The following CEP131 variants were observed in gnomAD, a reference collection of about 807,000 sequenced individuals.
CEP131 encodes centrosomal protein 131.
A neutral mutation model predicts 136.8 loss-of-function variants in CEP131; 99 were observed. The ratio of observed to expected loss-of-function variants is 0.72; its 90% CI spans 0.62 to 0.86. The LOEUF (loss-of-function observed/expected upper bound fraction) is 0.86. CEP131 is among the 40% of genes least tolerant of loss of function. CEP131 has a pLI of 0.00. For synonymous variants in CEP131, 646 were observed against 612.7 expected (o/e 1.05, Z -0.80); for missense variants, 1,459 against 1,463.0 (o/e 1.00, Z 0.04).
chr17:81,198,759 T>G, intron 11 of CEP131, 118 bp downstream of exon 11: 1 of 1,041,170 alleles, frequency 9.6e-7, no homozygotes. Context: ...TCTCTGAGCT[T>G]AAGTGGCCCC....
Position 81,194,906 on chromosome 17 carries a change from C to T in CEP131, c.2083G>A (p.Glu695Lys). 2 of 1,613,486 alleles carry T rather than the reference C, an allele frequency of 1.2e-6. No individual in the cohort carries two copies. Among genetic ancestry groups the T allele is most frequent in the Non-Finnish European group, 1.7e-6 (2 of 1,179,984 alleles). ...EKARREKWISEKTKKIKEVTV... is the reference protein window; with the variant it reads ...EKARREKWISKKTKKIKEVTV... ...ACCTCCTTGATCTTCTTGGTTTTCT[C>T]ACTGATCCACTTCTCCCGGCGGGCT... Residue 695 changes from glutamate (E) to lysine (K), a missense_variant, in exon 17 of 26, where the codon GAG becomes AAG. Physicochemically the swap from Glu to Lys is moderately conservative, Grantham distance 56. Coordinates refer to ENST00000450824, the MANE Select transcript of CEP131 (RefSeq NM_014984.4).
chr17:81,193,110 C>T lies in CEP131; in HGVS notation c.2322-267G>A, dbSNP rs561310248. On this transcript the variant is annotated intron_variant, in intron 18 of 25. Coordinates refer to ENST00000450824, the MANE Select transcript of CEP131 (RefSeq NM_014984.4). ...ACTTTGGGAAGTGGCTGTGGAGCCG[C>T]GTCCAGGCCCCCTTTTCCCTCAGCC... is the stretch of plus-strand genomic sequence containing the variant. Among the ~76,000 whole-genome samples, 1,107 of 152,358 alleles carry T rather than the reference C, an allele frequency of 7.3e-3. 7 individuals are homozygous for T. Among genetic ancestry groups the T allele is most frequent in the Non-Finnish European group, 0.012 (787 of 68,022 alleles).
intron 2 of CEP131, among the ~76,000 whole-genome samples, chr17:81,212,601 G>C (rs2062158908): frequency 6.6e-6 from 1 of 152,156 alleles, no homozygotes; most frequent in Non-Finnish European, 1.5e-5. Flanking sequence ...CGTGCAGAGG[G>C]GCTGTCCCAG....
rs927580618 is a variant in CEP131 at position 81,208,637 on chromosome 17, G to A, written c.272+291C>T. Among the ~76,000 whole-genome samples the A allele has an allele frequency of 1.3e-5, 2 of 152,352 alleles. No individual in the cohort carries two copies. Among genetic ancestry groups the A allele is most frequent in the African/African-American group, 2.4e-5 (1 of 41,580 alleles). On this transcript the variant is annotated intron_variant, in intron 3 of 25. Coordinates refer to ENST00000450824, the MANE Select transcript of CEP131 (RefSeq NM_014984.4). This position sits in a 1 kb window ranked among gnomAD's most constrained non-coding sequence, Gnocchi z 5.6. ...TTGACATTCAGAGGGCAGGTGGAAA[G>A]GGCTTCAGCGGAGCCCTCAGGCAGG... is the stretch of plus-strand genomic sequence containing the variant.
rs1031496699 is a variant in CEP131 at position 81,215,213 on chromosome 17, G to A, written c.177+4667C>T. ...GGGTTCAAGCCATCCTCCTGCCCCA[G>A]CCTCCCATGTAGCTGGGACTACAGG... On this transcript the variant is annotated intron_variant, in intron 2 of 25. Coordinates refer to ENST00000450824, the MANE Select transcript of CEP131 (RefSeq NM_014984.4). This position sits in a 1 kb window ranked among gnomAD's most constrained non-coding sequence, Gnocchi z 4.1. Among the ~76,000 whole-genome samples, 1 of 151,944 alleles carries A rather than the reference G, an allele frequency of 6.6e-6. No homozygotes were observed. Among genetic ancestry groups the A allele is most frequent in the Non-Finnish European group, 1.5e-5 (1 of 68,000 alleles).
chr17:81,208,983 G>A lies in CEP131; in HGVS notation c.217C>T (p.Leu73Phe), dbSNP rs2062074646. 1.2e-6 allele frequency: 2 copies of A among 1,613,886 alleles called. No individual in the cohort carries two copies. Among genetic ancestry groups the A allele is most frequent in the African/African-American group, 1.3e-5 (1 of 74,926 alleles). ...GPGGSQAINN[L>F]RRSNSTTQVS... ...TGCGTGGTGCTGTTGGATCTTCTAA[G>A]GTTGTTGATGGCCTGGGAGCCCCCA... is the stretch of plus-strand genomic sequence containing the variant. Residue 73 changes from leucine to phenylalanine, a missense_variant, in exon 3 of 26, where the codon CTT (leucine) becomes TTT (phenylalanine). Physicochemically the swap from Leu to Phe is conservative, Grantham distance 22. Around this residue, in one of 3 missense-constraint regions of CEP131, gnomAD observed 187 missense variants for 179.9 expected, o/e 1.04. Coordinates refer to ENST00000450824, the MANE Select transcript of CEP131 (RefSeq NM_014984.4). The surrounding 1 kb of genome is among the most constrained non-coding windows in gnomAD (Gnocchi z 5.6).
At chr17:81,198,579 T>C (rs1357168169) in intron 11 of CEP131, among the ~76,000 whole-genome samples, 1 of 152,150 alleles carries the variant, frequency 6.6e-6, no homozygotes, top group African/African-American at 2.4e-5. Context: ...CTGGGAGCCT[T>C]GGCTGTCAGG....
intron 2 of CEP131, among the ~76,000 whole-genome samples, chr17:81,218,323 G>A (rs925067812): frequency 3.3e-5 from 5 of 152,224 alleles, no homozygotes; most frequent in Admixed American, 1.3e-4. Context: ...GATCACGGGC[G>A]TGAGCCACCT....
chr17:81,206,718 G>A (rs562918817), intron 5 of CEP131, 26 bp downstream of exon 5: 115 of 1,588,510 alleles, frequency 7.2e-5, no homozygotes, highest in Middle Eastern at 5.1e-4. Flanking sequence ...ACTGGTGCCC[G>A]TCGTGGGCAC....
intron 12 of CEP131, 75 bp downstream of exon 12, chr17:81,198,040 C>T (rs2061804377): frequency 1.3e-6 from 2 of 1,484,746 alleles, no homozygotes; most frequent in Admixed American, 2.2e-5. Flanking sequence ...TTTCCCAACC[C>T]CCACAGCCAC....
rs774586774 is a variant in CEP131 at position 81,189,839 on chromosome 17, G to A, written c.3173C>T (p.Ala1058Val). ...CTCCAGGTGGTCGGCCCGCTTCACC[G>A]CAGCCTGCAGCACACCCACAGGGTC... ...VSSLRTQHEA[A>V]VKRADHLEEL... Residue 1058 changes from alanine (A) to valine (V), a missense_variant, in exon 26 of 26, where the codon GCG becomes GTG. Transcript: ENST00000450824. 19 of 1,611,810 alleles carry A rather than the reference G, an allele frequency of 1.2e-5. No individual in the cohort carries two copies. The highest frequency in any genetic ancestry group is 1.7e-4 in the Middle Eastern group (1 of 6,024).
rs562092010 is a variant in CEP131, at chr17:81,219,901, G to A, written c.156C>T (p.Ser52=). Residue 52 remains serine, a synonymous_variant, in exon 2 of 26, where the codon AGC becomes AGT. Coordinates refer to ENST00000450824, the MANE Select transcript of CEP131 (RefSeq NM_014984.4). This position sits in a 1 kb window ranked among gnomAD's most constrained non-coding sequence, Gnocchi z 4.0. ...TCACCAGCACCTTCCTCTTCTGCTCGCTGCCTGTGACCACGGAGACAGAGC... is the reference window on the plus strand; with the variant it reads ...TCACCAGCACCTTCCTCTTCTGCTCACTGCCTGTGACCACGGAGACAGAGC... ...IVRSVSVVTG[S]EQKRKVLEAT... The A allele has an allele frequency of 1.4e-4, 218 of 1,608,428 alleles. No homozygotes were observed. The highest frequency in any genetic ancestry group is 5.4e-4 in the Admixed American group (32 of 59,250).
chr17:81,207,280 A>G lies in CEP131; in HGVS notation c.273-41T>C, dbSNP rs761038927. ...GGCGGCACACAAGGAAAGAGTCACCAGCCGGGAAGCCGACGCTAGGCACAC... is the reference window on the plus strand; with the variant it reads ...GGCGGCACACAAGGAAAGAGTCACCGGCCGGGAAGCCGACGCTAGGCACAC... On this transcript the variant is annotated intron_variant, in intron 3 of 25. Coordinates refer to ENST00000450824, the MANE Select transcript of CEP131 (RefSeq NM_014984.4). 58 of 1,584,422 alleles carry G rather than the reference A, an allele frequency of 3.7e-5. 1 individual carries two copies. In the South Asian group the frequency reaches 5.0e-4, roughly 14 times the overall value.
intron 22 of CEP131, 22 bp downstream of exon 22, chr17:81,191,171 C>A (rs1376302625): frequency 2.0e-5 from 32 of 1,610,868 alleles, no homozygotes; most frequent in South Asian, 7.7e-5. Context: ...CAGCTGGTGA[C>A]CCAGCCATGG....
intron 5 of CEP131, among the ~76,000 whole-genome samples, chr17:81,204,445 G>A (rs2061960417): frequency 6.6e-6 from 1 of 152,138 alleles, no homozygotes; most frequent in Non-Finnish European, 1.5e-5. Context: ...CCTGTGAGGA[G>A]GGTCCCACAG....
chr17:81,195,380 G>T (rs1182093821), intron 16 of CEP131, among the ~76,000 whole-genome samples: 1 of 152,212 alleles, frequency 6.6e-6, no homozygotes, highest in Non-Finnish European at 1.5e-5. Context: ...ACCTGGGCTC[G>T]GGACCATCAC....
Position 81,198,199 on chromosome 17 carries a change from G to A in CEP131, c.1386C>T (p.His462=). 3 of 1,588,916 alleles carry A rather than the reference G, an allele frequency of 1.9e-6. No homozygotes were observed. Among genetic ancestry groups the A allele is most frequent in the Non-Finnish European group, 2.6e-6 (3 of 1,166,950 alleles). Residue 462 remains histidine (H), a synonymous_variant, in exon 12 of 26, where the codon CAC becomes CAT. Coordinates refer to ENST00000450824, the MANE Select transcript of CEP131 (RefSeq NM_014984.4). ...GCTCCTTCTCCAGCAGCTGCAGTGT[G>A]TGCAGCAGCTCCTCCAGTGGCCCCC... ...KSRGPLEELL[H]TLQLLEKEPD... is the part of the protein sequence containing the mutation.
At chr17:81,201,792 G>A (rs1363850963) in intron 7 of CEP131, among the ~76,000 whole-genome samples, 2 of 152,146 alleles carry the variant, frequency 1.3e-5, no homozygotes, top group African/African-American at 4.8e-5. Context: ...ACCACATGGG[G>A]TCTGCTCGGT....
intron 8 of CEP131, chr17:81,200,103 G>T: frequency 1.6e-6 from 1 of 608,228 alleles, no homozygotes; most frequent in Admixed American, 2.9e-5. Context: ...CTCCAGCCTG[G>T]GATGGACCCA....
Sources: gnomAD v4.1 joint callset for allele counts (sites outside exome capture counted in the v4.1 genomes callset) on GRCh38, gnomAD v4.1.1 for gene constraint, gnomAD v4.1.1 regional missense constraint, Gnocchi (gnomAD v3.1) non-coding constraint, MANE v1.5 for transcripts, NCBI Gene and HGNC (gene_info 2026-07-23, HGNC 2026-07-21) for gene names.